HOOK3: variants seen among roughly 807,000 people sequenced by gnomAD.
The protein encoded by HOOK3 is protein Hook homolog 3.
Under a neutral mutation model 116.3 loss-of-function variants are expected in HOOK3, and 24 were observed. The ratio of observed to expected loss-of-function variants is 0.21; its 90% CI spans 0.15 to 0.29. HOOK3 has a LOEUF of 0.29. Among genes scored for constraint, HOOK3 ranks in the 10% least tolerant of loss-of-function variants. HOOK3 has a pLI of 1.00. For synonymous variants in HOOK3, 275 were observed against 283.0 expected (o/e 0.97, Z 0.28); for missense variants, 632 against 830.2 (o/e 0.76, Z 2.93).
At chr8:42,901,767 A>C (rs904745396) in intron 1 of HOOK3, among the ~76,000 whole-genome samples, 7 of 151,580 alleles carry the variant, frequency 4.6e-5, no homozygotes, top group African/African-American at 1.7e-4. Context: ...GCTGGAGTGC[A>C]GTGGCACAAT....
intron 4 of HOOK3, among the ~76,000 whole-genome samples, chr8:42,940,452 G>A (rs910286441): frequency 3.3e-5 from 5 of 152,230 alleles, no homozygotes; most frequent in East Asian, 1.9e-4. Context: ...GCCTCGGCTC[G>A]GCATCAGAGG....
chr8:42,935,383 T>G (rs1285828128), intron 4 of HOOK3, among the ~76,000 whole-genome samples: 1 of 152,162 alleles, frequency 6.6e-6, no homozygotes, highest in Non-Finnish European at 1.5e-5. Context: ...GTGCAGAGGC[T>G]CTTTAGTTTT....
intron 17 of HOOK3, among the ~76,000 whole-genome samples, chr8:43,007,152 G>C (rs1472388456): frequency 6.6e-6 from 1 of 150,990 alleles, no homozygotes; most frequent in Non-Finnish European, 1.5e-5. Context: ...CATGTAGCTG[G>C]GATTACAAGC....
chr8:42,982,260 A>G (rs1391550424), intron 13 of HOOK3, among the ~76,000 whole-genome samples: 3 of 145,002 alleles, frequency 2.1e-5, no homozygotes, highest in Non-Finnish European at 4.6e-5. Context: ...GTCTTAAAAA[A>G]AAAAAAAAAA....
intron 5 of HOOK3, among the ~76,000 whole-genome samples, chr8:42,943,771 A>G (rs1395564015): frequency 6.6e-6 from 1 of 152,212 alleles, no homozygotes; most frequent in Non-Finnish European, 1.5e-5. Context: ...AGAGACATAC[A>G]GCAGTTTAAT....
rs146546928 is a variant in HOOK3 at position 43,023,387 on chromosome 8, CTCCTTCCT to C, written c.*4917_*4924del. 0.017 allele frequency: 2,558 copies of C among 146,254 alleles called. 33 individuals are homozygous for C. The highest frequency in any genetic ancestry group is 0.027 in the South Asian group (112 of 4,158). 9.1% of individuals were successfully genotyped at this position (146,254 alleles called of 1,614,324 possible). ...CCACTTTGCTATCTCTCCTTCCTTCCTCCTTCCTTCCTTCCTTCCTTCCTTCCTTCCTT... is the reference window on the plus strand; with the variant it reads ...CCACTTTGCTATCTCTCCTTCCTTCCTCCTTCCTTCCTTCCTTCCTTCCTT... On this transcript the variant is annotated 3_prime_UTR_variant, in exon 22 of 22. Transcript: ENST00000307602.
At chr8:42,934,347 C>G (rs1337900497) in intron 4 of HOOK3, among the ~76,000 whole-genome samples, 1 of 151,990 alleles carries the variant, frequency 6.6e-6, no homozygotes, top group African/African-American at 2.4e-5. Context: ...ATATGTTTCT[C>G]TTATCTCTAT....
At chr8:43,010,627 G>A (rs1809586813) in intron 19 of HOOK3, among the ~76,000 whole-genome samples, 1 of 152,222 alleles carries the variant, frequency 6.6e-6, no homozygotes, top group South Asian at 2.1e-4. Flanking sequence ...TGTACTTTGT[G>A]TGGGAAATGA....
intron 4 of HOOK3, among the ~76,000 whole-genome samples, chr8:42,931,285 G>A (rs1432186319): frequency 1.3e-5 from 2 of 152,022 alleles, no homozygotes; most frequent in Non-Finnish European, 2.9e-5. Context: ...GTCTCAGCCA[G>A]GGCCACATTC....
At chr8:43,001,957 C>A in intron 16 of HOOK3, 150 bp from the exon 17 acceptor site, 1 of 542,786 alleles carries the variant, frequency 1.8e-6, no homozygotes. Flanking sequence ...GAGATTTAAA[C>A]TGGGGTACAT....
At chr8:42,901,504 G>T (rs187977140) in intron 1 of HOOK3, among the ~76,000 whole-genome samples, 36 of 152,170 alleles carry the variant, frequency 2.4e-4, no homozygotes, top group African/African-American at 8.4e-4. Context: ...CTAGTTCCAA[G>T]AACATTTTCA....
At chr8:42,923,003 C>T (rs533271681) in intron 2 of HOOK3, among the ~76,000 whole-genome samples, 13 of 152,094 alleles carry the variant, frequency 8.5e-5, no homozygotes, top group Non-Finnish European at 1.0e-4. Context: ...TACCAAAACT[C>T]TTACAATTCA....
chr8:42,988,442 A>G (rs1809090002), intron 15 of HOOK3, among the ~76,000 whole-genome samples: 1 of 152,114 alleles, frequency 6.6e-6, no homozygotes, highest in Admixed American at 6.5e-5. Flanking sequence ...AGGCTTTATA[A>G]TTGTTGCTCT....
In HOOK3 at chr8:43,029,506, A is replaced by T. The variant is rs892689804; in HGVS notation, c.*11008A>T. ...TATAATTCAAATGCACTAAAATATC[A>T]TCGCTGTCATGAACTTTGCTGTTTA... is the stretch of plus-strand genomic sequence containing the variant. On this transcript the variant is annotated 3_prime_UTR_variant, in exon 22 of 22. Coordinates refer to ENST00000307602, the MANE Select transcript of HOOK3 (RefSeq NM_032410.4). The T allele has an allele frequency of 5.4e-6, 1 of 183,558 alleles. No homozygotes were observed. The highest frequency in any genetic ancestry group is 2.3e-5 in the African/African-American group (1 of 42,656). The allele number at this position is 183,558 out of a possible 1,614,324, so 11.4% of individuals were successfully genotyped here.
intron 3 of HOOK3, among the ~76,000 whole-genome samples, chr8:42,929,110 A>C (rs1243286680): frequency 6.6e-6 from 1 of 152,214 alleles, no homozygotes; most frequent in African/African-American, 2.4e-5. Context: ...AAAAACTACC[A>C]TTTTAAATGA....
intron 18 of HOOK3, among the ~76,000 whole-genome samples, chr8:43,009,991 A>T (rs989434115): frequency 2.0e-5 from 3 of 151,980 alleles, no homozygotes; most frequent in Non-Finnish European, 4.4e-5. Flanking sequence ...ACTAAGGCTG[A>T]ATAATATTAT....
intron 14 of HOOK3, among the ~76,000 whole-genome samples, chr8:42,984,125 T>G (rs534175952): frequency 6.6e-6 from 1 of 152,292 alleles, no homozygotes; most frequent in African/African-American, 2.4e-5. Flanking sequence ...CCTAGCACTT[T>G]GGGAGGCCAA....
chr8:42,958,471 T>G (rs1299452841), intron 7 of HOOK3, among the ~76,000 whole-genome samples: 1 of 152,116 alleles, frequency 6.6e-6, no homozygotes. Context: ...AGTAAACAAA[T>G]TTTTTAACGG....
chr8:42,999,719 A>T (rs940830726), intron 16 of HOOK3, among the ~76,000 whole-genome samples: 6 of 152,288 alleles, frequency 3.9e-5, no homozygotes, highest in African/African-American at 1.4e-4. Flanking sequence ...ATTTGTTTTT[A>T]GCATGGAAGC....
Sources: allele counts gnomAD v4.1 joint callset (sites outside exome capture counted in the v4.1 genomes callset), GRCh38; gene constraint gnomAD v4.1.1; transcripts MANE v1.5; gene names NCBI Gene and HGNC (gene_info 2026-07-23, HGNC 2026-07-21).